RAD51B: variants seen among roughly 807,000 people sequenced by gnomAD.
RAD51B encodes DNA repair protein RAD51 homolog 2.
RAD51B carries 38 observed loss-of-function variants against 42.2 expected under a neutral mutation model. The observed-to-expected ratio is 0.90, with a 90% CI of 0.70 to 1.18. RAD51B has a LOEUF of 1.18. RAD51B is among the 50% of genes most tolerant of loss of function. The pLI is 0.00. For synonymous variants in RAD51B, 154 were observed against 145.2 expected, an observed-to-expected ratio of 1.06 and a Z score of -0.43; for missense variants, 373 against 400.7, an observed-to-expected ratio of 0.93 and a Z score of 0.59.
chr14:67,939,610 G>GT (rs2045087711), intron 7 of RAD51B, among the ~76,000 whole-genome samples: 1 of 152,168 alleles, frequency 6.6e-6, no homozygotes, highest in Admixed American at 6.5e-5. Flanking sequence ...TTGGGCTGCT[G>GT]TAGCAAATTA....
At chr14:68,557,014 C>G (rs1379692662) in intron 10 of RAD51B, among the ~76,000 whole-genome samples, 3 of 152,204 alleles carry the variant, frequency 2.0e-5, no homozygotes, top group Non-Finnish European at 2.9e-5. Flanking sequence ...ACCTAGCCTT[C>G]AAGCCTCAGC....
intron 10 of RAD51B, among the ~76,000 whole-genome samples, chr14:68,526,482 C>T (rs914679944): frequency 6.6e-6 from 1 of 152,220 alleles, no homozygotes; most frequent in Non-Finnish European, 1.5e-5. Context: ...ATTACCGTTG[C>T]ACACAGTGCT....
chr14:68,512,608 C>T (rs1487708906), intron 10 of RAD51B, among the ~76,000 whole-genome samples: 1 of 152,144 alleles, frequency 6.6e-6, no homozygotes, highest in Admixed American at 6.5e-5. Context: ...GGTGAGCAGT[C>T]ATGCATGCAT....
chr14:67,885,853 T>C lies in RAD51B; in HGVS notation c.453-16T>C, dbSNP rs767357322. On this transcript the variant is annotated splice_polypyrimidine_tract_variant and intron_variant, in intron 5 of 10. Coordinates refer to ENST00000471583, the MANE Select transcript of RAD51B (RefSeq NM_133510.4). ...GAATTGACTGTTTTCGTTTGTGCTATTTTTTTCACCCACAGACTGGTTGAA... is the reference window on the plus strand; with the variant it reads ...GAATTGACTGTTTTCGTTTGTGCTACTTTTTTCACCCACAGACTGGTTGAA... The C allele has an allele frequency of 7.0e-6, 11 of 1,576,316 alleles. No homozygotes were observed. Among genetic ancestry groups the C allele is most frequent in the Non-Finnish European group, 4.3e-6 (5 of 1,159,338 alleles).
chr14:68,512,178 C>T (rs1369294400), intron 10 of RAD51B, among the ~76,000 whole-genome samples: 1 of 152,192 alleles, frequency 6.6e-6, no homozygotes, highest in Non-Finnish European at 1.5e-5. Flanking sequence ...AGGCTGCCCC[C>T]ACTTGCAGTG....
chr14:68,235,302 C>G (rs2140989890), intron 7 of RAD51B, among the ~76,000 whole-genome samples: 1 of 151,776 alleles, frequency 6.6e-6, no homozygotes, highest in Non-Finnish European at 1.5e-5. Context: ...TATTGTTGAC[C>G]ACGTAGCACA....
downstream of RAD51B, among the ~76,000 whole-genome samples, chr14:68,614,371 CAT>C (rs1238841889): frequency 1.3e-5 from 2 of 152,160 alleles, no homozygotes; most frequent in Non-Finnish European, 2.9e-5. Context: ...ATATAATTGA[CAT>C]ACCATAAAAT....
chr14:68,315,682 C>T (rs568486799), intron 8 of RAD51B, among the ~76,000 whole-genome samples: 15 of 152,128 alleles, frequency 9.9e-5, no homozygotes, highest in African/African-American at 2.7e-4. Context: ...CCACCACGCC[C>T]GGCTAATTTT....
chr14:68,396,396 T>G (rs1474247346), intron 8 of RAD51B, among the ~76,000 whole-genome samples: 1 of 152,228 alleles, frequency 6.6e-6, no homozygotes, highest in East Asian at 1.9e-4. Context: ...GCTGGTTCAT[T>G]TTTTCATTGC....
At chr14:68,280,873 C>T (rs2081307859) in intron 7 of RAD51B, among the ~76,000 whole-genome samples, 1 of 151,970 alleles carries the variant, frequency 6.6e-6, no homozygotes, top group African/African-American at 2.4e-5. Flanking sequence ...GGGCTGGGAA[C>T]ATAGGGAAAC....
intron 7 of RAD51B, among the ~76,000 whole-genome samples, chr14:68,191,322 G>A (rs2079262933): frequency 6.6e-6 from 1 of 152,148 alleles, no homozygotes; most frequent in South Asian, 2.1e-4. Flanking sequence ...GGAAACTTGA[G>A]CTTCTGTATA....
chr14:68,619,256 C>T (rs1363888812), intron 10 of RAD51B, among the ~76,000 whole-genome samples: 8 of 152,106 alleles, frequency 5.3e-5, no homozygotes, highest in Non-Finnish European at 7.4e-5. Context: ...GGGTGGATCA[C>T]GAGGTCCAGA....
Position 68,513,136 on chromosome 14 carries a change from T to A in RAD51B, c.1036+44886T>A, listed in dbSNP as rs141154140. Among the ~76,000 whole-genome samples, 8 of 152,248 alleles carry A rather than the reference T, an allele frequency of 5.3e-5. No individual in the cohort carries two copies. In the East Asian group the frequency reaches 1.5e-3, roughly 29 times the overall value. ...GTTTTGTTCTGAGCTTCACAGGATG[T>A]CCTTGGAGGTTTTGGAGGAGAGTGA... On this transcript the variant is annotated intron_variant, in intron 10 of 10. Coordinates refer to the RAD51B transcript ENST00000487270.
At chr14:68,252,216 G>A (rs1707998743) in intron 7 of RAD51B, among the ~76,000 whole-genome samples, 1 of 152,180 alleles carries the variant, frequency 6.6e-6, no homozygotes, top group Admixed American at 6.5e-5. Flanking sequence ...GGAAATTTGA[G>A]CTTTAGAGAA....
intron 7 of RAD51B, among the ~76,000 whole-genome samples, chr14:68,046,921 T>C (rs902573942): frequency 6.6e-6 from 1 of 151,962 alleles, no homozygotes; most frequent in African/African-American, 2.4e-5. Flanking sequence ...TAAAAATGAT[T>C]GTAGGATCCT....
intron 9 of RAD51B, among the ~76,000 whole-genome samples, chr14:68,437,025 C>G (rs2085163386): frequency 4.6e-5 from 7 of 152,084 alleles, no homozygotes; most frequent in Admixed American, 4.6e-4. Context: ...TTTTGCCTGA[C>G]TGCTCTGGCT....
rs570603994 is a variant in RAD51B, at chr14:68,052,885, G to A, written c.756+165681G>A. Among the ~76,000 whole-genome samples, 3 of 151,278 alleles carry A rather than the reference G, an allele frequency of 2.0e-5. No homozygotes were observed. The South Asian group carries it at 6.3e-4, about 32-fold the overall frequency. Reference sequence around the variant, plus strand: ...TGAGCTCAAGCAATCTGCCTGCCTTGGGCTCCCAAAATGCTGAGATTACAA... The same window carrying A: ...TGAGCTCAAGCAATCTGCCTGCCTTAGGCTCCCAAAATGCTGAGATTACAA... On this transcript the variant is annotated intron_variant, in intron 7 of 10. Transcript: ENST00000471583.
intron 7 of RAD51B, among the ~76,000 whole-genome samples, chr14:68,002,375 T>A (rs1330941728): frequency 6.6e-6 from 1 of 152,182 alleles, no homozygotes; most frequent in African/African-American, 2.4e-5. Context: ...TGCCTACTTT[T>A]TAATGTTTTT....
intron 10 of RAD51B, among the ~76,000 whole-genome samples, chr14:68,491,539 C>T (rs1884071014): frequency 6.6e-6 from 1 of 152,110 alleles, no homozygotes; most frequent in Admixed American, 6.5e-5. Flanking sequence ...CAAAACAATC[C>T]TCAAGGATGC....
Sources: allele counts gnomAD v4.1 joint callset (sites outside exome capture counted in the v4.1 genomes callset), GRCh38; gene constraint gnomAD v4.1.1; transcripts MANE v1.5; gene names NCBI Gene and HGNC (gene_info 2026-07-23, HGNC 2026-07-21).